Variants in KANK1 observed in about 807,000 individuals in gnomAD.
KANK1 encodes KN motif and ankyrin repeat domains 1.
Under a neutral mutation model 106.2 loss-of-function variants are expected in KANK1, and 109 were observed. The ratio of observed to expected loss-of-function variants is 1.03; its 90% confidence interval spans 0.88 to 1.20. The LOEUF is 1.20. Ranked by LOEUF, KANK1 falls within the 50% of genes most tolerant of loss-of-function variation. KANK1 has a pLI of 0.00. For missense variants in KANK1, 2,399 were observed against 1,710.7 expected (o/e 1.40, Z -7.10); for synonymous variants, 873 against 652.2 (o/e 1.34, Z -5.16).
At chr9:490,147 G>T (rs1008557915) in intron 3 of KANK1, among the ~76,000 whole-genome samples, 1 of 152,144 alleles carries the variant, frequency 6.6e-6, no homozygotes, top group African/African-American at 2.4e-5. Flanking sequence ...TAAGTTAAAG[G>T]CATCTTCTTC....
chr9:601,915 C>T (rs1380722922), intron 1 of KANK1, among the ~76,000 whole-genome samples: 4 of 151,886 alleles, frequency 2.6e-5, no homozygotes, highest in Non-Finnish European at 4.4e-5. Context: ...GAGTACCAGA[C>T]GTGCACATTG....
At chr9:485,618 A>G (rs932322090) in intron 3 of KANK1, among the ~76,000 whole-genome samples, 5 of 152,300 alleles carry the variant, frequency 3.3e-5, no homozygotes, top group African/African-American at 7.2e-5. Flanking sequence ...CACGCCTGTA[A>G]TCCCAACACT....
At chr9:676,116 C>G (rs746480423) in intron 1 of KANK1, among the ~76,000 whole-genome samples, 13 of 152,092 alleles carry the variant, frequency 8.5e-5, no homozygotes, top group Non-Finnish European at 1.8e-4. Flanking sequence ...GCTTCTTTAC[C>G]ACAACCTGTT....
chr9:666,341 ATTAC>A (rs1405022849), intron 1 of KANK1, among the ~76,000 whole-genome samples: 11 of 152,238 alleles, frequency 7.2e-5, no homozygotes, highest in Admixed American at 2.0e-4. Flanking sequence ...GAATTCACTT[ATTAC>A]TTCTAATAGT....
rs36072780 is a variant in KANK1 at position 528,469 on chromosome 9, C to CTTTTTTTTTTTTTTTTTT, written c.-84+23728_-84+23745dup. Among the ~76,000 whole-genome samples the CTTTTTTTTTTTTTTTTTT allele has an allele frequency of 9.4e-5, 8 of 85,126 alleles. 2 individuals are homozygous for CTTTTTTTTTTTTTTTTTT. The highest frequency in any genetic ancestry group is 1.7e-4 in the Non-Finnish European group (7 of 41,364). 55.8% of individuals were successfully genotyped at this position (85,126 alleles called of 152,430 possible). A position where few individuals can be genotyped will look rare whatever the true frequency, so the allele number is the denominator to read the frequency against. Reference sequence around the variant, plus strand: ...ACCATTTTACTGAATTAAAAAATAACTTTTTTTTTTTTTTTTTTTTTTTTT... The same window carrying CTTTTTTTTTTTTTTTTTT: ...ACCATTTTACTGAATTAAAAAATAACTTTTTTTTTTTTTTTTTTTTTTTTTTTTTTTTTTTTTTTTTTT... On this transcript the variant is annotated intron_variant, in intron 1 of 11. Transcript: ENST00000382297.
intron 1 of KANK1, among the ~76,000 whole-genome samples, chr9:636,790 C>A (rs1469447239): frequency 6.6e-6 from 1 of 152,148 alleles, no homozygotes; most frequent in Non-Finnish European, 1.5e-5. Context: ...TCGCATGAAC[C>A]CGGGAGGTGG....
At chr9:681,384 G>C (rs1041483420) in intron 2 of KANK1, among the ~76,000 whole-genome samples, 1 of 152,164 alleles carries the variant, frequency 6.6e-6, no homozygotes, top group African/African-American at 2.4e-5. Context: ...TTTCTTTGGG[G>C]TGTAGGGATG....
chr9:673,813 A>C (rs952573376), intron 1 of KANK1: 1 of 152,000 alleles, frequency 6.6e-6, no homozygotes, highest in Non-Finnish European at 1.5e-5. Flanking sequence ...AAGGTTTTAC[A>C]TGGTGGTATT....
At chr9:476,121 G>A (rs918057000) in intron 3 of KANK1, among the ~76,000 whole-genome samples, 1 of 149,476 alleles carries the variant, frequency 6.7e-6, no homozygotes, top group African/African-American at 2.5e-5. Flanking sequence ...TCCAGCCTGG[G>A]CAACAAGAGC....
At chr9:512,518 A>C (rs1239590673) in intron 1 of KANK1, among the ~76,000 whole-genome samples, 1 of 152,086 alleles carries the variant, frequency 6.6e-6, no homozygotes, top group Non-Finnish European at 1.5e-5. Flanking sequence ...TTAAATGTGA[A>C]TCTCATCCAA....
rs142229039 is a variant in KANK1, at chr9:650,772, A to G, written c.-83-26118A>G. On this transcript the variant is annotated intron_variant, in intron 1 of 11. Coordinates refer to ENST00000382297, the MANE Select transcript of KANK1 (RefSeq NM_015158.5). ...TTAAGGTATCCCTAACAGAGGCCCA[A>G]TGTTCCTGCTAATGAAATGAATAAA... Among the ~76,000 whole-genome samples, 121 of 152,248 alleles carry G rather than the reference A, an allele frequency of 7.9e-4. 1 individual carries two copies. The highest frequency in any genetic ancestry group is 6.8e-3 in the Middle Eastern group (2 of 294).
At position 483,705 on chromosome 9, in the gene KANK1, G is replaced by T. The variant is rs1217284820; in HGVS notation, c.-362+10432G>T. ...TAGTCTCTTAGGCAAACACCCATTGGTTATATGAGAAAATGTATTCTCCTG... is the reference window on the plus strand; with the variant it reads ...TAGTCTCTTAGGCAAACACCCATTGTTTATATGAGAAAATGTATTCTCCTG... On this transcript the variant is annotated intron_variant, in intron 3 of 15. Transcript: ENST00000382303. Among the ~76,000 whole-genome samples the T allele has an allele frequency of 3.9e-5, 6 of 152,258 alleles. No homozygotes were observed. In the South Asian group the frequency reaches 6.2e-4, roughly 16 times the overall value.
At chr9:658,010 A>C (rs1842518070) in intron 1 of KANK1, among the ~76,000 whole-genome samples, 1 of 151,964 alleles carries the variant, frequency 6.6e-6, no homozygotes, top group African/African-American at 2.4e-5. Context: ...AAGTACTGGG[A>C]CTACAGGCAT....
intron 1 of KANK1, among the ~76,000 whole-genome samples, chr9:556,216 G>A (rs1454950649): frequency 2.0e-5 from 3 of 152,194 alleles, no homozygotes; most frequent in Non-Finnish European, 4.4e-5. Flanking sequence ...CTCAAAAAGT[G>A]AGAAGTATTA....
intron 1 of KANK1, among the ~76,000 whole-genome samples, chr9:566,649 G>A (rs536375768): frequency 6.6e-6 from 1 of 152,274 alleles, no homozygotes; most frequent in East Asian, 1.9e-4. Flanking sequence ...TTGGCCGCAT[G>A]TGTGTCTTCT....
At chr9:735,195 AT>A (rs550014461) in intron 7 of KANK1, among the ~76,000 whole-genome samples, 1 of 150,912 alleles carries the variant, frequency 6.6e-6, no homozygotes, top group African/African-American at 2.4e-5. Context: ...GCATCCAAGA[AT>A]TTTTTTTTTA....
At chr9:744,748 G>T (rs149996372) in intron 11 of KANK1, 159 bp downstream of exon 11, 3 of 1,505,762 alleles carry the variant, frequency 2.0e-6, no homozygotes, top group Middle Eastern at 1.7e-4. Flanking sequence ...CCTCCACCCC[G>T]CAAAAAGCAG....
intron 1 of KANK1, among the ~76,000 whole-genome samples, chr9:599,240 A>C (rs536974529): frequency 1.5e-4 from 23 of 149,910 alleles, no homozygotes; most frequent in African/African-American, 4.5e-4. Flanking sequence ...CTGGTCTTGA[A>C]CTCCTGACCT....
rs1830429751 is a variant in KANK1, at chr9:725,526, C to A, written c.2699-4525C>A. Among the ~76,000 whole-genome samples, 5 of 150,598 alleles carry A rather than the reference C, an allele frequency of 3.3e-5. No homozygotes were observed. The South Asian group carries it at 1.0e-3, about 32-fold the overall frequency. ...AAAAAAAAAAAAAAATTTAGATGAT[C>A]TCTAATGCCTTACATTGAATTTTTT... On this transcript the variant is annotated intron_variant, in intron 3 of 11. Transcript: ENST00000382297.
Sources: allele counts gnomAD v4.1 joint callset (sites outside exome capture counted in the v4.1 genomes callset), GRCh38; gene constraint gnomAD v4.1.1; transcripts MANE v1.5; gene names NCBI Gene and HGNC (gene_info 2026-07-23, HGNC 2026-07-21).